SPTBN1: variants seen among roughly 807,000 people sequenced by gnomAD.
SPTBN1 encodes spectrin beta, non-erythrocytic 1, also known as spectrin beta chain, non-erythrocytic 1.
In SPTBN1, 32 loss-of-function variants were observed where a neutral mutation model predicts 266.4. The ratio of observed to expected loss-of-function variants is 0.12; its 90% CI spans 0.09 to 0.16. The LOEUF (loss-of-function observed/expected upper bound fraction) is 0.16. SPTBN1 is among the 10% of genes least tolerant of loss of function. The pLI is 1.00. For synonymous variants in SPTBN1, 1,336 were observed against 1,162.2 expected, an observed-to-expected ratio of 1.15 and a Z score of -3.04; for missense variants, 2,296 against 3,067.1, an observed-to-expected ratio of 0.75 and a Z score of 5.94.
intron 1 of SPTBN1, among the ~76,000 whole-genome samples, chr2:54,473,885 A>T (rs1322406450): frequency 6.6e-6 from 1 of 152,240 alleles, no homozygotes; most frequent in African/African-American, 2.4e-5. Context: ...AGCTTATAGG[A>T]CTAGGAACAA....
At chr2:54,478,434 C>T (rs1222651204) in intron 1 of SPTBN1, among the ~76,000 whole-genome samples, 1 of 152,168 alleles carries the variant, frequency 6.6e-6, no homozygotes, top group Non-Finnish European at 1.5e-5. Context: ...AGTGTTTTCA[C>T]ATTACAGGGT....
intron 1 of SPTBN1, among the ~76,000 whole-genome samples, chr2:54,492,923 G>A (rs964017886): frequency 1.3e-5 from 2 of 151,234 alleles, no homozygotes; most frequent in Non-Finnish European, 2.9e-5. Flanking sequence ...AGTTTAATAT[G>A]TCTGCAGAAT....
chr2:54,660,406 G>A, intron 32 of SPTBN1: 7 of 1,100,710 alleles, frequency 6.4e-6, no homozygotes, highest in Non-Finnish European at 7.8e-6. Flanking sequence ...AATCTAACAG[G>A]TATGACACAT....
In SPTBN1 at chr2:54,558,914, T is replaced by A; in HGVS notation, c.148+32348T>A. On this transcript the variant is annotated intron_variant, in intron 2 of 35. Transcript: ENST00000356805. The surrounding 1 kb of genome is among the most constrained non-coding windows in gnomAD (Gnocchi z 4.6). ...TAAGCCCCCTCCCAAAGGCCGGGCC[T>A]GTCCTGGGTGCCAACGGGGGTTCTT... The A allele has an allele frequency of 6.2e-7, 1 of 1,602,942 alleles. No individual in the cohort carries two copies. Among genetic ancestry groups the A allele is most frequent in the Non-Finnish European group, 8.5e-7 (1 of 1,174,658 alleles).
At chr2:54,480,304 T>C (rs1027187884) in intron 1 of SPTBN1, among the ~76,000 whole-genome samples, 9 of 152,210 alleles carry the variant, frequency 5.9e-5, no homozygotes, top group African/African-American at 2.2e-4. Flanking sequence ...CTGCCTCTTT[T>C]AAAAGTTGGA....
chr2:54,606,472 G>A (rs777808103), intron 3 of SPTBN1, among the ~76,000 whole-genome samples: 61 of 152,168 alleles, frequency 4.0e-4, no homozygotes, highest in Non-Finnish European at 7.9e-4. Context: ...GAACTGACAA[G>A]AAATGAGAAG....
At chr2:54,596,876 G>T (rs1676128076) in intron 2 of SPTBN1, among the ~76,000 whole-genome samples, 1 of 152,122 alleles carries the variant, frequency 6.6e-6, no homozygotes, top group Middle Eastern at 3.2e-3. Context: ...CTTTAGGACA[G>T]GGCACTAAGG....
chr2:54,468,790 A>G (rs1432080736), intron 1 of SPTBN1, among the ~76,000 whole-genome samples: 1 of 152,242 alleles, frequency 6.6e-6, no homozygotes, highest in Non-Finnish European at 1.5e-5. Flanking sequence ...AATTCCCATC[A>G]CAGTTGCATT....
At chr2:54,456,994 G>C (rs1296202511) in intron 1 of SPTBN1, among the ~76,000 whole-genome samples, 1 of 151,732 alleles carries the variant, frequency 6.6e-6, no homozygotes, top group Non-Finnish European at 1.5e-5. Flanking sequence ...CGCGGGTGGG[G>C]AGCGGGGGCG....
chr2:54,576,432 C>T (rs944940442), intron 2 of SPTBN1, among the ~76,000 whole-genome samples: 2 of 152,018 alleles, frequency 1.3e-5, no homozygotes, highest in East Asian at 1.9e-4. Flanking sequence ...ATGTGTAGGT[C>T]CAGGAAAACA....
chr2:54,497,943 G>C (rs191039170), intron 1 of SPTBN1, among the ~76,000 whole-genome samples: 33 of 152,120 alleles, frequency 2.2e-4, no homozygotes, highest in African/African-American at 7.0e-4. Flanking sequence ...ATCCTGCCAG[G>C]AGAAGAGTAG....
rs753268652 is a variant in SPTBN1 at position 54,643,123 on chromosome 2, C to A, written c.3999C>A (p.Ile1333=). Reference sequence around the variant, plus strand: ...CCAACAAAGAATGGCTTGACAAAATCGAGAAGGTGAGTTAAAACATTTGAT... The same window carrying A: ...CCAACAAAGAATGGCTTGACAAAATAGAGAAGGTGAGTTAAAACATTTGAT... ...LASNKEWLDK[I]EKEGMQLISE... The change falls in exon 19 of 36, where the codon ATC becomes ATA. Residue 1333 remains isoleucine (I), a synonymous_variant. Coordinates refer to ENST00000356805, the MANE Select transcript of SPTBN1 (RefSeq NM_003128.3). The A allele has an allele frequency of 1.2e-6, 2 of 1,613,992 alleles. No individual in the cohort carries two copies. Among genetic ancestry groups the A allele is most frequent in the South Asian group, 2.2e-5 (2 of 91,060 alleles).
intron 24 of SPTBN1, 48 bp from the exon 25 acceptor site, chr2:54,648,938 T>C (rs989253525): frequency 1.8e-5 from 27 of 1,500,414 alleles, no homozygotes; most frequent in Non-Finnish European, 2.2e-5. Flanking sequence ...CTGAAGAAAC[T>C]TGACATTTAA....
intron 2 of SPTBN1, among the ~76,000 whole-genome samples, chr2:54,565,808 T>C (rs1380448014): frequency 6.6e-6 from 1 of 152,218 alleles, no homozygotes; most frequent in Non-Finnish European, 1.5e-5. Context: ...ACTATTAAAA[T>C]GTGAAGGATG....
At chr2:54,603,428 T>C (rs1351790204) in intron 3 of SPTBN1, among the ~76,000 whole-genome samples, 1 of 152,228 alleles carries the variant, frequency 6.6e-6, no homozygotes, top group Admixed American at 6.5e-5. Context: ...TCTAATGAAG[T>C]GGGCAACCTC....
Position 54,558,798 on chromosome 2 carries a change from C to G in SPTBN1, c.148+32232C>G. ...GGCATAATGGAATTGCAGAGGACGTCTAGTATCTCCGGGCCGCTGTCGCCG... is the reference window on the plus strand; with the variant it reads ...GGCATAATGGAATTGCAGAGGACGTGTAGTATCTCCGGGCCGCTGTCGCCG... On this transcript the variant is annotated intron_variant, in intron 2 of 35. Transcript: ENST00000356805. This position sits in a 1 kb window ranked among gnomAD's most constrained non-coding sequence, Gnocchi z 4.6. The G allele has an allele frequency of 6.2e-7, 1 of 1,613,730 alleles. No individual in the cohort carries two copies. Among genetic ancestry groups the G allele is most frequent in the South Asian group, 1.1e-5 (1 of 91,030 alleles).
chr2:54,473,926 T>TA (rs1209062185), intron 1 of SPTBN1, among the ~76,000 whole-genome samples: 6 of 152,174 alleles, frequency 3.9e-5, no homozygotes, highest in Non-Finnish European at 5.9e-5. Flanking sequence ...ATTCCAGACA[T>TA]AAAAAATCTA....
chr2:54,495,600 C>CT (rs1216658782), intron 1 of SPTBN1, among the ~76,000 whole-genome samples: 1 of 151,428 alleles, frequency 6.6e-6, no homozygotes, highest in Non-Finnish European at 1.5e-5. Context: ...GTGCTAAATA[C>CT]TTTTAACATT....
At chr2:54,658,109 T>C in intron 30 of SPTBN1, 63 bp downstream of exon 30, 7 of 1,588,378 alleles carry the variant, frequency 4.4e-6, no homozygotes, top group Non-Finnish European at 6.0e-6. Flanking sequence ...CCTGCTTGCC[T>C]CTTAGACCAG....
Sources: gnomAD v4.1 joint callset for allele counts (sites outside exome capture counted in the v4.1 genomes callset) on GRCh38, gnomAD v4.1.1 for gene constraint, Gnocchi (gnomAD v3.1) non-coding constraint, MANE v1.5 for transcripts, NCBI Gene and HGNC (gene_info 2026-07-23, HGNC 2026-07-21) for gene names.